The following GLIS3 variants were observed in gnomAD, a reference collection of about 807,000 sequenced individuals.
The protein encoded by GLIS3 is GLIS family zinc finger 3, also known as zinc finger protein GLIS3.
In GLIS3, 53 loss-of-function variants were observed where a neutral mutation model predicts 78.6. That is an observed-to-expected ratio of 0.67 (90% CI 0.54 to 0.85). The LOEUF (loss-of-function observed/expected upper bound fraction) is 0.85. Ranked by LOEUF, GLIS3 falls within the 40% of genes least tolerant of loss-of-function variation. The probability of loss-of-function intolerance (pLI) is 0.00; values close to 1 mark genes in which losing one functional copy is unlikely to be tolerated. For missense variants in GLIS3, 1,703 were observed against 1,231.1 expected (o/e 1.38, Z -5.74); for synonymous variants, 684 against 509.9 (o/e 1.34, Z -4.60).
chr9:4,356,295 G>A, the GLIS3 span, among the ~76,000 whole-genome samples: 1 of 152,178 alleles, frequency 6.6e-6, no homozygotes. Flanking sequence ...GGACTGGTAT[G>A]TGCAAGTGAT....
rs182163242 is a variant in GLIS3, at chr9:3,965,835, C to T, written c.1711-28646G>A. On this transcript the variant is annotated intron_variant, in intron 4 of 10. Coordinates refer to ENST00000381971, the MANE Select transcript of GLIS3 (RefSeq NM_001042413.2). ...TGCTGCTTATTTAGACCCCAGGAAA[C>T]GAAGAGAAATGGAGAAAACAAAAGG... is the stretch of plus-strand genomic sequence containing the variant. Among the ~76,000 whole-genome samples, 14 of 152,286 alleles carry T rather than the reference C, an allele frequency of 9.2e-5. No individual in the cohort carries two copies. The East Asian group carries it at 1.2e-3, about 13-fold the overall frequency.
At chr9:4,228,058 T>A (rs1286330762) in intron 2 of GLIS3, among the ~76,000 whole-genome samples, 3 of 152,014 alleles carry the variant, frequency 2.0e-5, no homozygotes, top group African/African-American at 7.3e-5. Context: ...CCCATACTTA[T>A]AAGAACAAAA....
intron 2 of GLIS3, among the ~76,000 whole-genome samples, chr9:4,340,990 T>G (rs1399365275): frequency 6.6e-6 from 1 of 152,208 alleles, no homozygotes; most frequent in African/African-American, 2.4e-5. Flanking sequence ...CCTGATATTT[T>G]AGCAACTCTG....
chr9:4,141,471 A>G (rs1222235050), intron 2 of GLIS3, among the ~76,000 whole-genome samples: 1 of 152,202 alleles, frequency 6.6e-6, no homozygotes, highest in Non-Finnish European at 1.5e-5. Context: ...TAACCTGAAG[A>G]ACCAAGAACA....
At chr9:4,124,460 G>A (rs1832417002) in intron 3 of GLIS3, among the ~76,000 whole-genome samples, 1 of 152,186 alleles carries the variant, frequency 6.6e-6, no homozygotes, top group Non-Finnish European at 1.5e-5. Context: ...ACTTGCCACA[G>A]AAAGGAAGCT....
intron 2 of GLIS3, among the ~76,000 whole-genome samples, chr9:4,318,573 CAAT>C (rs1008759781): frequency 1.3e-5 from 2 of 152,010 alleles, no homozygotes; most frequent in African/African-American, 4.8e-5. Context: ...AAAATAACAA[CAAT>C]AAGTTATAAA....
At chr9:4,132,526 G>T (rs540890339) in intron 2 of GLIS3, among the ~76,000 whole-genome samples, 1 of 152,208 alleles carries the variant, frequency 6.6e-6, no homozygotes, top group South Asian at 2.1e-4. Context: ...ATATATCTGG[G>T]AAGAGCGGAG....
chr9:4,303,100 G>A (rs970010223), upstream of GLIS3, among the ~76,000 whole-genome samples: 1 of 141,114 alleles, frequency 7.1e-6, no homozygotes. Flanking sequence ...ACTGCTATTT[G>A]AGTCACCCTG....
At chr9:3,920,485 T>C (rs1239684366) in intron 6 of GLIS3, among the ~76,000 whole-genome samples, 1 of 152,172 alleles carries the variant, frequency 6.6e-6, no homozygotes, top group Non-Finnish European at 1.5e-5. Context: ...GGGGAAAATA[T>C]TATGAAGCAT....
intron 4 of GLIS3, among the ~76,000 whole-genome samples, chr9:4,112,738 CTTTCA>C (rs1342957198): frequency 6.6e-6 from 1 of 152,072 alleles, no homozygotes; most frequent in Non-Finnish European, 1.5e-5. Context: ...TAGTAATTGG[CTTTCA>C]TTTATTTTTA....
At chr9:3,913,071 C>T (rs139140802) in intron 6 of GLIS3, among the ~76,000 whole-genome samples, 35 of 152,248 alleles carry the variant, frequency 2.3e-4, no homozygotes, top group African/African-American at 7.7e-4. Flanking sequence ...TTACCAGCTC[C>T]GTATTGTCTT....
intron 2 of GLIS3, among the ~76,000 whole-genome samples, chr9:4,149,919 A>G (rs966611353): frequency 2.6e-5 from 4 of 152,262 alleles, no homozygotes; most frequent in East Asian, 1.9e-4. Flanking sequence ...GCACTTGCAT[A>G]TATCTTACTA....
intron 1 of GLIS3, among the ~76,000 whole-genome samples, chr9:4,295,202 G>A (rs190239944): frequency 1.3e-5 from 2 of 152,160 alleles, no homozygotes; most frequent in East Asian, 1.9e-4. Context: ...TATTATGGGG[G>A]TTGCTGGCCC....
intron 2 of GLIS3, among the ~76,000 whole-genome samples, chr9:4,239,763 T>C (rs901669895): frequency 6.6e-6 from 1 of 152,226 alleles, no homozygotes; most frequent in Non-Finnish European, 1.5e-5. Context: ...AACAGCTGAT[T>C]ACAAAGTATT....
chr9:4,029,804 C>G (rs906364514), intron 4 of GLIS3, among the ~76,000 whole-genome samples: 1 of 152,160 alleles, frequency 6.6e-6, no homozygotes, highest in Non-Finnish European at 1.5e-5. Flanking sequence ...TTTTATAGGA[C>G]ATTGTGTATA....
At chr9:4,322,655 T>G (rs1353602130) in intron 2 of GLIS3, among the ~76,000 whole-genome samples, 1 of 152,254 alleles carries the variant, frequency 6.6e-6, no homozygotes, top group Non-Finnish European at 1.5e-5. Flanking sequence ...ATTTCTCTGA[T>G]GACCAGTGAT....
chr9:4,194,902 C>G (rs1346823526), intron 2 of GLIS3, among the ~76,000 whole-genome samples: 2 of 152,224 alleles, frequency 1.3e-5, no homozygotes, highest in Non-Finnish European at 2.9e-5. Flanking sequence ...GGACCAAGAG[C>G]AGGAGGCCAT....
intron 6 of GLIS3, among the ~76,000 whole-genome samples, chr9:3,923,402 T>C (rs1030050171): frequency 5.3e-5 from 8 of 152,066 alleles, no homozygotes; most frequent in African/African-American, 1.7e-4. Context: ...GAATGAAATA[T>C]AGAGCATAGA....
intron 9 of GLIS3, among the ~76,000 whole-genome samples, chr9:3,841,428 T>C (rs1335042043): frequency 2.0e-5 from 3 of 152,184 alleles, no homozygotes; most frequent in Non-Finnish European, 4.4e-5. Flanking sequence ...CTCTAGCCTC[T>C]CTGAGCCTAT....
Sources: gnomAD v4.1 joint callset for allele counts (sites outside exome capture counted in the v4.1 genomes callset) on GRCh38, gnomAD v4.1.1 for gene constraint, MANE v1.5 for transcripts, NCBI Gene and HGNC (gene_info 2026-07-23, HGNC 2026-07-21) for gene names.